The following GRIN2B variants were observed in gnomAD, a reference collection of about 807,000 sequenced individuals.
GRIN2B encodes glutamate ionotropic receptor NMDA type subunit 2B.
In GRIN2B, 5 loss-of-function variants were observed where a neutral mutation model predicts 114.5. The observed-to-expected ratio is 0.04, with a 90% confidence interval of 0.02 to 0.09. GRIN2B has a LOEUF of 0.09. Ranked by LOEUF, GRIN2B falls within the 10% of genes least tolerant of loss-of-function variation. The pLI, the probability that GRIN2B is intolerant of heterozygous loss-of-function variation, is 1.00. For synonymous variants in GRIN2B, 787 were observed against 745.1 expected (o/e 1.06, Z -0.92); for missense variants, 1,108 against 1,943.5 (o/e 0.57, Z 8.08).
chr12:13,661,366 C>A (rs1949921108), intron 5 of GRIN2B, among the ~76,000 whole-genome samples: 1 of 152,288 alleles, frequency 6.6e-6, no homozygotes. Flanking sequence ...CCCCTTCAGA[C>A]AAGTAGTGCC....
intron 5 of GRIN2B, among the ~76,000 whole-genome samples, chr12:13,658,287 T>C (rs1448707661): frequency 5.3e-5 from 8 of 152,058 alleles, no homozygotes; most frequent in Non-Finnish European, 8.8e-5. Context: ...AATCAAAATA[T>C]AAACAAATTA....
intron 3 of GRIN2B, among the ~76,000 whole-genome samples, chr12:13,858,001 G>A (rs2136736626): frequency 6.6e-6 from 1 of 152,198 alleles, no homozygotes; most frequent in South Asian, 2.1e-4. Flanking sequence ...ACCCCCAGCA[G>A]CCTCTGTCTC....
At chr12:13,667,279 A>T (rs770251914) in intron 5 of GRIN2B, among the ~76,000 whole-genome samples, 6 of 152,216 alleles carry the variant, frequency 3.9e-5, no homozygotes, top group Non-Finnish European at 8.8e-5. Flanking sequence ...GTATGAGAAG[A>T]TCAAAAAGAG....
At chr12:13,804,906 T>C (rs1864575755) in intron 3 of GRIN2B, among the ~76,000 whole-genome samples, 1 of 152,126 alleles carries the variant, frequency 6.6e-6, no homozygotes, top group Non-Finnish European at 1.5e-5. Flanking sequence ...CACAGTGGCA[T>C]CTTGATCCAT....
rs1948478174 is a variant in GRIN2B at position 13,556,260 on chromosome 12, A to G, written c.*6523T>C. The G allele has an allele frequency of 6.6e-6, 1 of 152,126 alleles. No individual in the cohort carries two copies. The highest frequency in any genetic ancestry group is 2.1e-4 in the South Asian group (1 of 4,810). 9.4% of individuals were successfully genotyped at this position (152,126 alleles called of 1,614,324 possible). Reference sequence around the variant, plus strand: ...TCAAATAGCATAATGGATATCTTTGACTCCTACCCTGAAACCAGAAAATAT... The same window carrying G: ...TCAAATAGCATAATGGATATCTTTGGCTCCTACCCTGAAACCAGAAAATAT... On this transcript the variant is annotated 3_prime_UTR_variant, in exon 14 of 14. Transcript: ENST00000609686.
chr12:13,660,047 C>T (rs2136525817), intron 5 of GRIN2B, among the ~76,000 whole-genome samples: 1 of 152,248 alleles, frequency 6.6e-6, no homozygotes, highest in South Asian at 2.1e-4. Context: ...TTCCTTGTCA[C>T]TTGGGCAGGG....
At chr12:13,946,093 T>C (rs1358656357) in intron 2 of GRIN2B, among the ~76,000 whole-genome samples, 1 of 152,170 alleles carries the variant, frequency 6.6e-6, no homozygotes, top group East Asian at 1.9e-4. Flanking sequence ...GACAGTCCAG[T>C]GTTGAAGTTA....
intron 4 of GRIN2B, among the ~76,000 whole-genome samples, chr12:13,688,095 G>A (rs186924125): frequency 6.6e-6 from 1 of 152,226 alleles, no homozygotes; most frequent in African/African-American, 2.4e-5. Flanking sequence ...CCAAGGTTGG[G>A]AGCACTGGGA....
chr12:13,926,628 C>T (rs1435245598), intron 2 of GRIN2B, among the ~76,000 whole-genome samples: 1 of 152,186 alleles, frequency 6.6e-6, no homozygotes, highest in African/African-American at 2.4e-5. Flanking sequence ...AAGGACTTTA[C>T]CACCTGCCTG....
At chr12:13,929,865 G>A (rs61914318) in intron 2 of GRIN2B, among the ~76,000 whole-genome samples, 11,187 of 152,234 alleles carry the variant, frequency 0.073, 513 homozygotes, top group Middle Eastern at 0.13. Context: ...ACATATTAAA[G>A]CACTCCAAAC....
intron 4 of GRIN2B, among the ~76,000 whole-genome samples, chr12:13,735,038 G>C (rs979245574): frequency 6.6e-6 from 1 of 152,186 alleles, no homozygotes. Context: ...AATTATGAAG[G>C]TTAAGGCCGG....
intron 3 of GRIN2B, among the ~76,000 whole-genome samples, chr12:13,838,592 C>T (rs1179509132): frequency 6.6e-6 from 1 of 152,116 alleles, no homozygotes; most frequent in African/African-American, 2.4e-5. Context: ...TGTCTTTTCT[C>T]CCCACCACCC....
chr12:13,902,699 T>C (rs1253307783), intron 2 of GRIN2B, among the ~76,000 whole-genome samples: 1 of 152,094 alleles, frequency 6.6e-6, no homozygotes, highest in Non-Finnish European at 1.5e-5. Flanking sequence ...TAATCTCACC[T>C]ACTCAGAAGG....
chr12:13,708,738 G>A (rs1432252525), intron 4 of GRIN2B, among the ~76,000 whole-genome samples: 1 of 152,018 alleles, frequency 6.6e-6, no homozygotes, highest in Non-Finnish European at 1.5e-5. Context: ...ACTTATCCAA[G>A]GTGACAGGTA....
intron 4 of GRIN2B, chr12:13,683,398 T>C (rs866158487): frequency 6.6e-6 from 1 of 152,148 alleles, no homozygotes; most frequent in African/African-American, 2.4e-5. Flanking sequence ...ACAGTCTCCA[T>C]TCAAATCCTG....
intron 2 of GRIN2B, among the ~76,000 whole-genome samples, chr12:13,895,783 T>C (rs1468823704): frequency 6.6e-6 from 1 of 152,218 alleles, no homozygotes; most frequent in Non-Finnish European, 1.5e-5. Context: ...AGTTTTGGAA[T>C]GTAGATCTTT....
intron 3 of GRIN2B, among the ~76,000 whole-genome samples, chr12:13,791,878 C>A (rs1016936886): frequency 3.9e-5 from 6 of 152,176 alleles, no homozygotes; most frequent in Admixed American, 3.9e-4. Flanking sequence ...AGTCACCCTG[C>A]TGATCTATCG....
chr12:13,810,646 A>C (rs572239047), intron 3 of GRIN2B, among the ~76,000 whole-genome samples: 2 of 152,320 alleles, frequency 1.3e-5, no homozygotes, highest in East Asian at 3.9e-4. Flanking sequence ...GTGAATGAAC[A>C]ATCAGTTTCT....
At chr12:13,779,991 T>A (rs1864077271) in intron 3 of GRIN2B, among the ~76,000 whole-genome samples, 8 of 152,228 alleles carry the variant, frequency 5.3e-5, no homozygotes, top group Admixed American at 5.2e-4. Flanking sequence ...CTTCTCCCAA[T>A]ACTACTATCC....
Sources: gnomAD v4.1 joint callset for allele counts (sites outside exome capture counted in the v4.1 genomes callset) on GRCh38, gnomAD v4.1.1 for gene constraint, MANE v1.5 for transcripts, NCBI Gene and HGNC (gene_info 2026-07-23, HGNC 2026-07-21) for gene names.